The following COL5A3 variants were observed in gnomAD, a reference collection of about 807,000 sequenced individuals.
COL5A3 encodes the protein collagen type V alpha 3 chain, also known as collagen alpha-3(V) chain.
Under a neutral mutation model 250.0 loss-of-function variants are expected in COL5A3, and 172 were observed. The observed-to-expected ratio is 0.69, with a 90% CI of 0.61 to 0.78. COL5A3 has a LOEUF of 0.78. Ranked by LOEUF, COL5A3 falls within the 30% of genes least tolerant of loss-of-function variation. The pLI, the probability that COL5A3 is intolerant of heterozygous loss-of-function variation, is 0.00. For synonymous variants in COL5A3, 937 were observed against 900.4 expected, an observed-to-expected ratio of 1.04 and a Z score of -0.73; for missense variants, 2,340 against 2,334.4, an observed-to-expected ratio of 1.00 and a Z score of -0.05.
rs1015412183 is a variant in COL5A3, at chr19:9,960,996, A to C, written c.4852-106T>G. The C allele has an allele frequency of 4.6e-4, 610 of 1,328,760 alleles. 1 individual carries two copies. Among genetic ancestry groups the C allele is most frequent in the Non-Finnish European group, 5.9e-4 (568 of 960,014 alleles). 82.3% of individuals were successfully genotyped at this position (1,328,760 alleles called of 1,614,324 possible). A position where few individuals can be genotyped will look rare whatever the true frequency, so the allele number is the denominator to read the frequency against. ...CACTGGCAGACAAGCCACCCCCCCC[A>C]TGTCACCATCTCTGAGGAGGTCCCA... On this transcript the variant is annotated intron_variant, in intron 65 of 66. Transcript: ENST00000264828.
rs2087500890 is a variant in COL5A3, at chr19:10,009,833, GAC to G, written c.88+463_88+464del. Among the ~76,000 whole-genome samples, 1 of 151,846 alleles carries G rather than the reference GAC, an allele frequency of 6.6e-6. No individual in the cohort carries two copies. Among genetic ancestry groups the G allele is most frequent in the Admixed American group, 6.6e-5 (1 of 15,246 alleles). On this transcript the variant is annotated intron_variant, in intron 1 of 66. Coordinates refer to ENST00000264828, the MANE Select transcript of COL5A3 (RefSeq NM_015719.4). This position sits in a 1 kb window ranked among gnomAD's most constrained non-coding sequence, Gnocchi z 4.4. ...TACACCCCTCATAGCGGCACTCAGA[GAC>G]ACACAATCACACGCATAACCACTCA...
chr19:9,973,660 T>C (rs748023171), intron 49 of COL5A3, 37 bp from the exon 50 acceptor site: 2 of 1,611,472 alleles, frequency 1.2e-6, no homozygotes, highest in Non-Finnish European at 1.7e-6. Flanking sequence ...AGAGGTCCCA[T>C]CCTAGCAGAC....
rs776344605 is a variant in COL5A3 at position 10,003,713 on chromosome 19, G to T, written c.701C>A (p.Ala234Asp). The T allele has an allele frequency of 3.1e-6, 5 of 1,613,908 alleles. No individual in the cohort carries two copies. In the East Asian group the frequency reaches 1.1e-4, roughly 36 times the overall value. The change falls in exon 6 of 67, where the codon GCT becomes GAT. Residue 234 changes from alanine (A) to aspartate (D), a missense_variant and splice_region_variant. Physicochemically the swap from Ala to Asp is moderately radical, Grantham distance 126. Transcript: ENST00000264828. ...AGGGGTTTCTGGTTCACCCTGGGGA[G>T]CCTGGGAGAAGGGTTCCAGTCAGGT... ...CDNLAPAATV[A>D]PQGEPETPRP...
At position 9,971,133 on chromosome 19, in the gene COL5A3, A is replaced by C. The variant is rs545375831; in HGVS notation, c.3828+72T>G. ...GTTTTTGGTTCCACTGTCAGTGCCC[A>C]GGTCTGTGGGGGTAGGGAGATGGGG... On this transcript the variant is annotated intron_variant, in intron 52 of 66. Coordinates refer to ENST00000264828, the MANE Select transcript of COL5A3 (RefSeq NM_015719.4). 23 of 1,405,878 alleles carry C rather than the reference A, an allele frequency of 1.6e-5. 1 individual carries two copies. The South Asian group carries it at 3.2e-4, about 19-fold the overall frequency. 87.1% of individuals were successfully genotyped at this position (1,405,878 alleles called of 1,614,324 possible).
chr19:9,982,079 C>T lies in COL5A3; in HGVS notation c.2446G>A (p.Glu816Lys). The T allele has an allele frequency of 6.2e-7, 1 of 1,610,780 alleles. No homozygotes were observed. Among genetic ancestry groups the T allele is most frequent in the Non-Finnish European group, 8.5e-7 (1 of 1,178,192 alleles). ...GFPGPLGPIG[E>K]KGKSGKTGQP... ...TCATGACTCACCGACTTCCCTTTCT[C>T]TCCTATGGGTCCCAGGGGACCGGGA... The change falls in exon 32 of 67, where the codon GAG becomes AAG. Residue 816 changes from glutamate (E) to lysine (K), a missense_variant. This residue lies in a region of COL5A3 where 1,152 missense variants were observed against 1,146.3 expected (regional missense o/e 1.00). Coordinates refer to ENST00000264828, the MANE Select transcript of COL5A3 (RefSeq NM_015719.4).
At chr19:9,974,511 C>T (rs1416697755) in intron 45 of COL5A3, 103 bp from the exon 46 acceptor site, 6 of 864,936 alleles carry the variant, frequency 6.9e-6, no homozygotes, top group African/African-American at 1.7e-5. Context: ...AGTCAGGGTT[C>T]AGATTAAGTT....
intron 56 of COL5A3, 84 bp downstream of exon 56, chr19:9,969,491 C>G: frequency 6.3e-7 from 1 of 1,593,560 alleles, no homozygotes; most frequent in Non-Finnish European, 8.6e-7. Context: ...GGCAGCCCCT[C>G]CAAACGGTGA....
intron 31 of COL5A3, among the ~76,000 whole-genome samples, chr19:9,983,622 GAAAGAAAGAA>G (rs2087050167): frequency 2.6e-5 from 3 of 116,972 alleles, no homozygotes; most frequent in Non-Finnish European, 5.6e-5. Context: ...GAGAGAGAAA[GAAAGAAAGAA>G]GAGAGAGAGA....
intron 1 of COL5A3, among the ~76,000 whole-genome samples, chr19:10,007,274 C>T (rs1230705912): frequency 6.6e-6 from 1 of 152,158 alleles, no homozygotes; most frequent in African/African-American, 2.4e-5. Context: ...GACCTTCTCC[C>T]ACTGCCTATC....
chr19:9,968,611 C>A lies in COL5A3; in HGVS notation c.4206+64G>T. The A allele has an allele frequency of 6.3e-7, 1 of 1,593,026 alleles. No individual in the cohort carries two copies. ...AGGATGCACCAATCTCCCAGCCCCC[C>A]AGCCAGGGAGGGAGGGAAAGAGGGG... On this transcript the variant is annotated intron_variant, in intron 58 of 66. Transcript: ENST00000264828. The surrounding 1 kb of genome is among the most constrained non-coding windows in gnomAD (Gnocchi z 4.1).
chr19:9,960,244 C>T lies in COL5A3; in HGVS notation c.*167G>A. On this transcript the variant is annotated 3_prime_UTR_variant, in exon 67 of 67. Coordinates refer to ENST00000264828, the MANE Select transcript of COL5A3 (RefSeq NM_015719.4). ...GGACCCTTGGGCCAGGGAACCCCAG[C>T]CCCCAGCACCCTGGAAAGGAGAAGG... 1 of 832,238 alleles carries T rather than the reference C, an allele frequency of 1.2e-6. No individual in the cohort carries two copies. The highest frequency in any genetic ancestry group is 1.8e-6 in the Non-Finnish European group (1 of 544,914). 51.6% of individuals were successfully genotyped at this position (832,238 alleles called of 1,614,324 possible). A position where few individuals can be genotyped will look rare whatever the true frequency, so the allele number is the denominator to read the frequency against.
chr19:9,976,419 A>G (rs939107998), intron 45 of COL5A3, 139 bp downstream of exon 45: 5 of 589,160 alleles, frequency 8.5e-6, no homozygotes, highest in African/African-American at 7.9e-5. Flanking sequence ...GATTGAGTTC[A>G]CATTGGGTGT....
intron 6 of COL5A3, among the ~76,000 whole-genome samples, chr19:10,003,106 C>T (rs537791321): frequency 5.5e-4 from 83 of 152,228 alleles, no homozygotes; most frequent in Admixed American, 1.4e-3. Flanking sequence ...CAAATAATGC[C>T]CCCAATTAAT....
At chr19:9,967,556 T>A in intron 61 of COL5A3, 156 bp from the exon 62 acceptor site, 1 of 623,964 alleles carries the variant, frequency 1.6e-6, no homozygotes, top group Non-Finnish European at 2.8e-6. Context: ...CACACACACA[T>A]ACAGCCTTGG....
At chr19:9,972,563 C>T (rs897521598) in intron 51 of COL5A3, among the ~76,000 whole-genome samples, 3 of 152,178 alleles carry the variant, frequency 2.0e-5, no homozygotes, top group Non-Finnish European at 2.9e-5. Context: ...TTTGGCCGAG[C>T]GCGGTGGCTC....
chr19:9,980,056 G>A lies in COL5A3; in HGVS notation c.2605-9C>T. 2 of 1,595,030 alleles carry A rather than the reference G, an allele frequency of 1.3e-6. No homozygotes were observed. Among genetic ancestry groups the A allele is most frequent in the Non-Finnish European group, 1.7e-6 (2 of 1,175,036 alleles). The stretch of plus-strand genomic sequence containing the variant: ...TGCAGACCAGGGAGGCCCTGAAATG[G>A]AAACAGAAATCATGATCTCATCCCC... On this transcript the variant is annotated splice_polypyrimidine_tract_variant and intron_variant, in intron 35 of 66. Coordinates refer to ENST00000264828, the MANE Select transcript of COL5A3 (RefSeq NM_015719.4).
At chr19:9,974,908 T>C (rs563894939) in intron 45 of COL5A3, among the ~76,000 whole-genome samples, 3 of 152,272 alleles carry the variant, frequency 2.0e-5, no homozygotes, top group Admixed American at 2.0e-4. Flanking sequence ...TGTTTTTTGT[T>C]TTGTTTTGAG....
intron 24 of COL5A3, 128 bp downstream of exon 24, chr19:9,991,482 G>T (rs1023831054): frequency 1.8e-5 from 13 of 740,102 alleles, no homozygotes; most frequent in African/African-American, 3.6e-5. Context: ...CTCCGGGCTG[G>T]CTTAGGGAAT....
chr19:9,970,418 G>GTCT, intron 54 of COL5A3, among the ~76,000 whole-genome samples: 1 of 99,776 alleles, frequency 1.0e-5, no homozygotes, highest in East Asian at 3.0e-4. Context: ...GGTGAGTGGG[G>GTCT]GCTGTAAGGT....
Sources: gnomAD v4.1 joint callset for allele counts (sites outside exome capture counted in the v4.1 genomes callset) on GRCh38, gnomAD v4.1.1 for gene constraint, gnomAD v4.1.1 regional missense constraint, Gnocchi (gnomAD v3.1) non-coding constraint, MANE v1.5 for transcripts, NCBI Gene and HGNC (gene_info 2026-07-23, HGNC 2026-07-21) for gene names.